PLEKHA8: variants seen among roughly 807,000 people sequenced by gnomAD.
PLEKHA8 encodes pleckstrin homology domain containing A8.
Under a neutral mutation model 68.2 loss-of-function variants are expected in PLEKHA8, and 36 were observed. That is an observed-to-expected ratio of 0.53 (90% confidence interval 0.40 to 0.70). PLEKHA8 has a LOEUF of 0.70. Ranked by LOEUF, PLEKHA8 falls within the 30% of genes least tolerant of loss-of-function variation. The probability of loss-of-function intolerance (pLI) is 0.00; values close to 1 mark genes in which losing one functional copy is unlikely to be tolerated. For missense variants in PLEKHA8, 505 were observed against 615.4 expected, an observed-to-expected ratio of 0.82 and a Z score of 1.90; for synonymous variants, 211 against 216.1, an observed-to-expected ratio of 0.98 and a Z score of 0.20.
In PLEKHA8 at chr7:30,049,372, A is replaced by G. The variant is rs1471772279; in HGVS notation, c.587A>G (p.Lys196Arg). ...GGATCACCTCAGCTGGCCATGCTCA[A>G]GTCCAGCAAGGTAAAAGTCCAGCTC... ...PPGSPQLAMLKSSKMKHPIIP... is the reference protein window; with the variant it reads ...PPGSPQLAMLRSSKMKHPIIP... Residue 196 changes from lysine to arginine, a missense_variant, in exon 5 of 14, where the codon AAG (lysine) becomes AGG (arginine). Physicochemically the swap from Lys to Arg is conservative, Grantham distance 26 (BLOSUM62 2). Coordinates refer to ENST00000449726, the MANE Select transcript of PLEKHA8 (RefSeq NM_001197026.2). 1 of 1,613,820 alleles carries G rather than the reference A, an allele frequency of 6.2e-7. No individual in the cohort carries two copies. The highest frequency in any genetic ancestry group is 8.5e-7 in the Non-Finnish European group (1 of 1,179,804).
intron 13 of PLEKHA8, among the ~76,000 whole-genome samples, chr7:30,098,620 AC>A (rs1324752981): frequency 6.6e-6 from 1 of 152,090 alleles, no homozygotes; most frequent in East Asian, 1.9e-4. Flanking sequence ...TGGGCGTAGG[AC>A]CCTCCAAGCC....
chr7:30,059,350 A>C (rs959448101), intron 9 of PLEKHA8, among the ~76,000 whole-genome samples: 1 of 152,094 alleles, frequency 6.6e-6, no homozygotes, highest in African/African-American at 2.4e-5. Context: ...TTATATGCTG[A>C]GTTGTTTTTA....
chr7:30,049,117 G>A, intron 4 of PLEKHA8, 107 bp from the exon 5 acceptor site: 1 of 1,296,332 alleles, frequency 7.7e-7, no homozygotes, highest in Non-Finnish European at 1.1e-6. Context: ...ATTTCAGCAG[G>A]TGGGTACATT....
At chr7:30,030,826 G>A (rs1286922612) in intron 1 of PLEKHA8, among the ~76,000 whole-genome samples, 1 of 152,156 alleles carries the variant, frequency 6.6e-6, no homozygotes. Context: ...TTTTCTACTT[G>A]TTCTTCGGAA....
At position 30,028,720 on chromosome 7, in the gene PLEKHA8, A is replaced by G. The variant is rs1299953353; in HGVS notation, c.-43A>G. 1 of 1,230,952 alleles carries G rather than the reference A, an allele frequency of 8.1e-7. No individual in the cohort carries two copies. The highest frequency in any genetic ancestry group is 1.0e-6 in the Non-Finnish European group (1 of 973,754). 76.3% of individuals were successfully genotyped at this position (1,230,952 alleles called of 1,614,324 possible). ...CTCCTCGCCTCTTGGGGCCTGGGGC[A>G]GTGAGGGGGCCGGCGGGCGTGGGCC... On this transcript the variant is annotated 5_prime_UTR_variant, in exon 1 of 14. Transcript: ENST00000449726.
chr7:30,057,716 C>T (rs576836322), intron 9 of PLEKHA8, among the ~76,000 whole-genome samples: 1 of 152,326 alleles, frequency 6.6e-6, no homozygotes, highest in Non-Finnish European at 1.5e-5. Context: ...CCACCTCGGT[C>T]TCCCAAAGTG....
chr7:30,122,015 A>G (rs923996979), intron 13 of PLEKHA8, among the ~76,000 whole-genome samples: 1 of 152,242 alleles, frequency 6.6e-6, no homozygotes, highest in East Asian at 1.9e-4. Flanking sequence ...GGAAAGTAAT[A>G]TGCCTAGATT....
rs796801365 is a variant in PLEKHA8 at position 30,108,067 on chromosome 7, C to CAAAAAAAAAAAAAAAAAAAAAAA, written c.1363-21196_1363-21174dup. Among the ~76,000 whole-genome samples the CAAAAAAAAAAAAAAAAAAAAAAA allele has an allele frequency of 2.5e-4, 13 of 52,828 alleles. 1 individual carries two copies. Among genetic ancestry groups the CAAAAAAAAAAAAAAAAAAAAAAA allele is most frequent in the African/African-American group, 8.8e-4 (12 of 13,656 alleles). The allele number at this position is 52,828 out of a possible 152,430, so 34.7% of individuals were successfully genotyped here. On this transcript the variant is annotated intron_variant, in intron 13 of 13. Coordinates refer to the PLEKHA8 transcript ENST00000396257. Reference sequence around the variant, plus strand: ...CTGGGCAAAAAGCAAAACTCCATCTCAAAAAAAAAAAAAAAAAAAAAAAAA... The same window carrying CAAAAAAAAAAAAAAAAAAAAAAA: ...CTGGGCAAAAAGCAAAACTCCATCTCAAAAAAAAAAAAAAAAAAAAAAAAAAAAAAAAAAAAAAAAAAAAAAAA...
chr7:30,056,487 G>A (rs986427411), intron 9 of PLEKHA8, among the ~76,000 whole-genome samples: 5 of 147,898 alleles, frequency 3.4e-5, no homozygotes, highest in African/African-American at 1.2e-4. Flanking sequence ...CCAGCACTTT[G>A]GGAGGCTGAG....
chr7:30,091,720 A>G (rs1795422743), downstream of PLEKHA8, among the ~76,000 whole-genome samples: 1 of 152,236 alleles, frequency 6.6e-6, no homozygotes, highest in Admixed American at 6.5e-5. Flanking sequence ...AAGAAGCCAG[A>G]AAGACTCTTA....
At chr7:30,085,382 T>C (rs933398091), downstream of PLEKHA8, among the ~76,000 whole-genome samples, 5 of 152,214 alleles carry the variant, frequency 3.3e-5, no homozygotes, top group Non-Finnish European at 4.4e-5. Flanking sequence ...CTATGTTCTT[T>C]GGCTTGGTTT....
chr7:30,096,287 A>G (rs557330230), intron 13 of PLEKHA8, among the ~76,000 whole-genome samples: 17 of 152,340 alleles, frequency 1.1e-4, no homozygotes, highest in African/African-American at 4.1e-4. Context: ...CTTTGAAGCA[A>G]TTGTGAATGG....
downstream of PLEKHA8, among the ~76,000 whole-genome samples, chr7:30,084,894 G>A (rs998087657): frequency 7.9e-5 from 12 of 151,964 alleles, no homozygotes; most frequent in Non-Finnish European, 1.3e-4. Context: ...AGGAGGAATA[G>A]AGCCAGGCTA....
At chr7:30,129,890 G>A (rs541753829), downstream of PLEKHA8, 73 of 155,850 alleles carry the variant, frequency 4.7e-4, no homozygotes, top group Non-Finnish European at 8.4e-4. Flanking sequence ...GTCACATATC[G>A]GAGCTGTGCT....
chr7:30,103,134 G>A (rs887587055), intron 13 of PLEKHA8, among the ~76,000 whole-genome samples: 5 of 152,150 alleles, frequency 3.3e-5, no homozygotes, highest in Non-Finnish European at 7.3e-5. Context: ...GGGAATTATC[G>A]TATAATGTTT....
chr7:30,079,287 A>C lies in PLEKHA8; in HGVS notation c.*500A>C, dbSNP rs1794803310. 8 of 988,770 alleles carry C rather than the reference A, an allele frequency of 8.1e-6. No homozygotes were observed. The highest frequency in any genetic ancestry group is 9.6e-6 in the Non-Finnish European group (8 of 832,240). 61.2% of individuals were successfully genotyped at this position (988,770 alleles called of 1,614,324 possible). On this transcript the variant is annotated 3_prime_UTR_variant, in exon 14 of 14. Coordinates refer to ENST00000449726, the MANE Select transcript of PLEKHA8 (RefSeq NM_001197026.2). ...TTCTTCAGTGGACCCTCTTCACTGC[A>C]ACTCTGTCAGTGATAAGGGCCTGTG...
At chr7:30,116,177 TGTATACATAC>T (rs1562559222) in intron 13 of PLEKHA8, among the ~76,000 whole-genome samples, 1 of 151,298 alleles carries the variant, frequency 6.6e-6, no homozygotes, top group Admixed American at 6.6e-5. Context: ...TGTATACATA[TGTATACATAC>T]GCATACATAC....
In PLEKHA8 at chr7:30,045,155, G is replaced by C; in HGVS notation, c.111G>C (p.Trp37Cys). ...LSYYDSPEDA[W>C]KGCKGSIQMA... ...ATTATGATTCTCCTGAAGATGCCTG[G>C]AAAGGTTGCAAAGGGAGCATACAAA... is the stretch of plus-strand genomic sequence containing the variant. The change falls in exon 2 of 14, where the codon TGG becomes TGC. Residue 37 changes from tryptophan (W) to cysteine (C), a missense_variant. Coordinates refer to ENST00000449726, the MANE Select transcript of PLEKHA8 (RefSeq NM_001197026.2). 1.9e-6 allele frequency: 3 copies of C among 1,611,758 alleles called. No individual in the cohort carries two copies. Among genetic ancestry groups the C allele is most frequent in the Non-Finnish European group, 2.5e-6 (3 of 1,178,874 alleles).
intron 13 of PLEKHA8, among the ~76,000 whole-genome samples, chr7:30,104,552 T>C: frequency 6.6e-6 from 1 of 151,976 alleles, no homozygotes; most frequent in East Asian, 1.9e-4. Context: ...CCCAGAAACA[T>C]TATGATGAGC....
Sources: gnomAD v4.1 joint callset for allele counts (sites outside exome capture counted in the v4.1 genomes callset) on GRCh38, gnomAD v4.1.1 for gene constraint, MANE v1.5 for transcripts, NCBI Gene and HGNC (gene_info 2026-07-23, HGNC 2026-07-21) for gene names.